The following GALNT17 variants were observed in gnomAD, a reference collection of about 807,000 sequenced individuals.
The protein encoded by GALNT17 is polypeptide N-acetylgalactosaminyltransferase 17, also known as UDP-GalNAc:polypeptide N-acetylgalactosaminyltransferase-like 3.
A neutral mutation model predicts 63.7 loss-of-function variants in GALNT17; 29 were observed. The observed-to-expected ratio is 0.46, with a 90% CI of 0.34 to 0.62. GALNT17 has a LOEUF of 0.62. GALNT17 is among the 20% of genes least tolerant of loss of function. The probability of loss-of-function intolerance (pLI) is 0.01; values close to 1 mark genes in which losing one functional copy is unlikely to be tolerated. For synonymous variants in GALNT17, 305 were observed against 318.3 expected (o/e 0.96, Z 0.45); for missense variants, 603 against 799.6 (o/e 0.75, Z 2.97).
intron 2 of GALNT17, among the ~76,000 whole-genome samples, chr7:71,349,578 C>T (rs1792155168): frequency 6.6e-6 from 1 of 152,122 alleles, no homozygotes; most frequent in Admixed American, 6.5e-5. Flanking sequence ...CAAAGGAAGA[C>T]GTGACGGAAC....
At chr7:71,521,230 CTT>C (rs147913846) in intron 5 of GALNT17, among the ~76,000 whole-genome samples, 1 of 145,422 alleles carries the variant, frequency 6.9e-6, no homozygotes, top group Non-Finnish European at 1.5e-5. Flanking sequence ...GATCCCAAAT[CTT>C]TTTTTTTTTT....
intron 2 of GALNT17, among the ~76,000 whole-genome samples, chr7:71,362,386 G>A (rs146196799): frequency 1.3e-5 from 2 of 152,150 alleles, no homozygotes; most frequent in East Asian, 3.9e-4. Flanking sequence ...TACACCAAAT[G>A]TACTTAACAG....
chr7:71,456,896 A>G (rs146056493), intron 5 of GALNT17, among the ~76,000 whole-genome samples: 4 of 152,296 alleles, frequency 2.6e-5, no homozygotes, highest in East Asian at 1.9e-4. Context: ...ATCTATCACT[A>G]TGTGTAAGAC....
intron 3 of GALNT17, among the ~76,000 whole-genome samples, chr7:71,412,252 C>T (rs1031965857): frequency 1.3e-5 from 2 of 152,290 alleles, no homozygotes; most frequent in Admixed American, 6.5e-5. Context: ...CTGCAGTGAG[C>T]CATGATTGCT....
chr7:71,550,493 G>T (rs1467680800), intron 5 of GALNT17, among the ~76,000 whole-genome samples: 1 of 152,022 alleles, frequency 6.6e-6, no homozygotes, highest in Admixed American at 6.6e-5. Context: ...CAATTCTCCT[G>T]CCTCAGCCTC....
At chr7:71,168,000 T>C (rs955144932) in intron 1 of GALNT17, among the ~76,000 whole-genome samples, 5 of 152,252 alleles carry the variant, frequency 3.3e-5, no homozygotes, top group Admixed American at 6.5e-5. Context: ...TTTTAGGTTT[T>C]ACATTTATAA....
In GALNT17 at chr7:71,502,863, A is replaced by G. The variant is rs187418284; in HGVS notation, c.963-68422A>G. On this transcript the variant is annotated intron_variant, in intron 5 of 10. Transcript: ENST00000333538. ...TGTGTTCCACAGCATGAAGTTGCCG[A>G]AACAGCCTCTGACTTCACCCCAGGA... 2.0e-5 allele frequency among the ~76,000 whole-genome samples: 3 copies of G among 152,316 alleles called. No individual in the cohort carries two copies. In the East Asian group the frequency reaches 5.8e-4, roughly 29 times the overall value.
At chr7:71,323,040 A>G (rs1057431457) in intron 1 of GALNT17, among the ~76,000 whole-genome samples, 1 of 152,196 alleles carries the variant, frequency 6.6e-6, no homozygotes, top group African/African-American at 2.4e-5. Flanking sequence ...TGGAAAAAAA[A>G]AGAAGATAAA....
At chr7:71,684,495 G>A (rs546507757) in intron 9 of GALNT17, among the ~76,000 whole-genome samples, 1 of 152,262 alleles carries the variant, frequency 6.6e-6, no homozygotes, top group Admixed American at 6.5e-5. Context: ...TGGCCCCATA[G>A]CCGCGTGTTC....
intron 1 of GALNT17, among the ~76,000 whole-genome samples, chr7:71,145,364 T>C (rs908518752): frequency 1.3e-5 from 2 of 152,128 alleles, no homozygotes; most frequent in African/African-American, 4.8e-5. Context: ...GGCATGGTGG[T>C]GCACACCTGG....
intron 1 of GALNT17, among the ~76,000 whole-genome samples, chr7:71,272,478 C>T (rs1790611021): frequency 6.6e-6 from 1 of 152,160 alleles, no homozygotes; most frequent in South Asian, 2.1e-4. Context: ...TGCTCCACAT[C>T]CTTGGTGACA....
chr7:71,334,516 A>G (rs987732546), intron 1 of GALNT17, among the ~76,000 whole-genome samples: 10 of 152,172 alleles, frequency 6.6e-5, no homozygotes, highest in Non-Finnish European at 1.3e-4. Context: ...AACATTTGAA[A>G]TGGCAGAAGG....
At chr7:71,201,255 A>ATATATATATATATATATATATATG (rs1307446666) in intron 1 of GALNT17, among the ~76,000 whole-genome samples, 1 of 149,548 alleles carries the variant, frequency 6.7e-6, no homozygotes, top group Non-Finnish European at 1.5e-5. Context: ...ATATATATAT[A>ATATATATATATATATATATATATG]TAATTTGTGT....
chr7:71,539,596 G>A (rs905729314), intron 5 of GALNT17, among the ~76,000 whole-genome samples: 3 of 151,276 alleles, frequency 2.0e-5, no homozygotes, highest in Admixed American at 6.6e-5. Context: ...TAGCACCTCC[G>A]ATGTGTCAAA....
At chr7:71,409,462 A>T (rs1793392882) in intron 3 of GALNT17, among the ~76,000 whole-genome samples, 1 of 152,234 alleles carries the variant, frequency 6.6e-6, no homozygotes, top group Non-Finnish European at 1.5e-5. Flanking sequence ...ATCTAAGCTT[A>T]GACAGATTCT....
intron 1 of GALNT17, among the ~76,000 whole-genome samples, chr7:71,294,768 A>G (rs919484871): frequency 6.6e-6 from 1 of 152,116 alleles, no homozygotes; most frequent in African/African-American, 2.4e-5. Flanking sequence ...TCTATTTTGT[A>G]TATTCAAATG....
intron 6 of GALNT17, among the ~76,000 whole-genome samples, chr7:71,658,506 C>A (rs1790861918): frequency 6.6e-6 from 1 of 152,152 alleles, no homozygotes; most frequent in Non-Finnish European, 1.5e-5. Context: ...ATGAATGAAG[C>A]TTCAGTATAT....
intron 1 of GALNT17, among the ~76,000 whole-genome samples, chr7:71,232,347 G>T (rs1789805864): frequency 6.6e-6 from 1 of 152,130 alleles, no homozygotes; most frequent in Non-Finnish European, 1.5e-5. Context: ...GGGAGCCTTG[G>T]TGGTCAGGGT....
At chr7:71,365,837 C>T (rs1194560979) in intron 2 of GALNT17, among the ~76,000 whole-genome samples, 1 of 152,064 alleles carries the variant, frequency 6.6e-6, no homozygotes, top group Non-Finnish European at 1.5e-5. Context: ...GGGGATGATT[C>T]AAGCTCATTC....
Sources: gnomAD v4.1 joint callset for allele counts (sites outside exome capture counted in the v4.1 genomes callset) on GRCh38, gnomAD v4.1.1 for gene constraint, MANE v1.5 for transcripts, NCBI Gene and HGNC (gene_info 2026-07-23, HGNC 2026-07-21) for gene names.